Variants in TRDN observed in about 807,000 individuals in gnomAD.
TRDN encodes the protein triadin.
A neutral mutation model predicts 149.7 loss-of-function variants in TRDN; 161 were observed. The ratio of observed to expected loss-of-function variants is 1.08; its 90% CI spans 0.95 to 1.23. The LOEUF (loss-of-function observed/expected upper bound fraction) is 1.23, where lower values mean the gene tolerates loss of function less well. Among genes scored for constraint, TRDN ranks in the 50% most tolerant of loss-of-function variants. The pLI is 0.00. For synonymous variants in TRDN, 294 were observed against 250.5 expected, an observed-to-expected ratio of 1.17 and a Z score of -1.64; for missense variants, 896 against 823.5, an observed-to-expected ratio of 1.09 and a Z score of -1.08.
intron 1 of TRDN, among the ~76,000 whole-genome samples, chr6:123,629,715 A>G (rs1322240270): frequency 6.6e-6 from 1 of 152,096 alleles, no homozygotes; most frequent in Non-Finnish European, 1.5e-5. Context: ...TCATTTACAT[A>G]CCAAAGAATC....
At chr6:123,414,808 C>T (rs1434987928) in intron 12 of TRDN, among the ~76,000 whole-genome samples, 1 of 151,872 alleles carries the variant, frequency 6.6e-6, no homozygotes, top group Admixed American at 6.6e-5. Flanking sequence ...AAAATGAGTA[C>T]CCTAGGATTA....
At chr6:123,274,942 C>T (rs1777321832) in intron 26 of TRDN, among the ~76,000 whole-genome samples, 1 of 152,054 alleles carries the variant, frequency 6.6e-6, no homozygotes, top group Non-Finnish European at 1.5e-5. Context: ...ACATGCTTTG[C>T]ACTTGTCTGT....
chr6:123,632,629 A>T (rs1259048211), intron 1 of TRDN, among the ~76,000 whole-genome samples: 2 of 152,052 alleles, frequency 1.3e-5, no homozygotes, highest in Non-Finnish European at 2.9e-5. Flanking sequence ...ATGTTGCTTT[A>T]TCAGGAAAAT....
At chr6:123,437,478 T>C (rs1774634195) in intron 12 of TRDN, 1 of 266,404 alleles carries the variant, frequency 3.8e-6, no homozygotes, top group Non-Finnish European at 7.0e-6. Flanking sequence ...ATTATGGTGC[T>C]CACTACAGCC....
intron 12 of TRDN, among the ~76,000 whole-genome samples, chr6:123,437,599 G>A (rs55746229): frequency 2.6e-5 from 4 of 151,830 alleles, no homozygotes; most frequent in Non-Finnish European, 5.9e-5. Context: ...AAGGAACTGA[G>A]AGCCATCCCT....
intron 5 of TRDN, among the ~76,000 whole-genome samples, chr6:123,527,373 T>C (rs1280752773): frequency 6.6e-6 from 1 of 152,056 alleles, no homozygotes; most frequent in African/African-American, 2.4e-5. Context: ...CAAAGGAAAC[T>C]CAGACTGTTG....
intron 10 of TRDN, among the ~76,000 whole-genome samples, chr6:123,441,841 T>C (rs1251165440): frequency 6.6e-6 from 1 of 152,220 alleles, no homozygotes; most frequent in Non-Finnish European, 1.5e-5. Flanking sequence ...GCCCTTCTAG[T>C]GTAGAGATTA....
At chr6:123,307,084 T>C (rs781113042) in intron 24 of TRDN, among the ~76,000 whole-genome samples, 4 of 152,042 alleles carry the variant, frequency 2.6e-5, no homozygotes, top group Non-Finnish European at 5.9e-5. Context: ...TGGAAAACAT[T>C]GTCTAATATT....
chr6:123,218,787 CA>C, intron 40 of TRDN, 47 bp from the exon 41 acceptor site: 1 of 1,532,304 alleles, frequency 6.5e-7, no homozygotes, highest in Non-Finnish European at 8.8e-7. Context: ...AGAACATGAG[CA>C]AAAAAGCACA....
chr6:123,558,334 T>A (rs1178909830), intron 2 of TRDN, among the ~76,000 whole-genome samples: 1 of 151,954 alleles, frequency 6.6e-6, no homozygotes, highest in African/African-American at 2.4e-5. Flanking sequence ...TTCCTCAGCC[T>A]CCACTCCCGC....
chr6:123,231,346 T>C lies in TRDN; in HGVS notation c.1976-7215A>G, dbSNP rs560076449. Among the ~76,000 whole-genome samples the C allele has an allele frequency of 4.7e-4, 71 of 152,172 alleles. No homozygotes were observed. The South Asian group carries it at 0.011, about 23-fold the overall frequency. On this transcript the variant is annotated intron_variant, in intron 38 of 40. Transcript: ENST00000334268. ...ATTGAAATGGTCAATTCCTCTTACG[T>C]AGATCAAAGAAGTTTTTTATGGACA...
At chr6:123,418,390 C>T (rs1319333314) in intron 12 of TRDN, 2 of 151,898 alleles carry the variant, frequency 1.3e-5, no homozygotes, top group Non-Finnish European at 2.9e-5. Flanking sequence ...TTGCTAAATC[C>T]AAACTTTTTT....
intron 35 of TRDN, among the ~76,000 whole-genome samples, chr6:123,257,740 C>A (rs1382437320): frequency 6.6e-6 from 1 of 152,172 alleles, no homozygotes. Flanking sequence ...TGGCCATCTT[C>A]ACAATATTGA....
intron 21 of TRDN, chr6:123,351,662 A>G (rs1052738685): frequency 2.1e-6 from 2 of 949,256 alleles, no homozygotes; most frequent in African/African-American, 1.8e-5. Flanking sequence ...GATTTTCTTG[A>G]TATATTTATG....
At chr6:123,479,429 C>T (rs1355614484) in intron 9 of TRDN, among the ~76,000 whole-genome samples, 1 of 152,190 alleles carries the variant, frequency 6.6e-6, no homozygotes, top group Non-Finnish European at 1.5e-5. Flanking sequence ...GTAATATATT[C>T]TGAATATCTA....
intron 21 of TRDN, among the ~76,000 whole-genome samples, chr6:123,342,304 G>T (rs1476136874): frequency 6.6e-6 from 1 of 151,840 alleles, no homozygotes; most frequent in Non-Finnish European, 1.5e-5. Context: ...GAGATGAGAT[G>T]AACTAGGATA....
chr6:123,442,043 TG>T (rs1174446344), intron 10 of TRDN: 1 of 152,154 alleles, frequency 6.6e-6, no homozygotes, highest in Non-Finnish European at 1.5e-5. Context: ...AATATGACCA[TG>T]GAAAATTTTA....
At chr6:123,475,832 G>GA (rs1435122451) in intron 9 of TRDN, among the ~76,000 whole-genome samples, 7 of 151,986 alleles carry the variant, frequency 4.6e-5, no homozygotes, top group African/African-American at 1.5e-4. Flanking sequence ...AATAGATGCA[G>GA]AAAAAGCCTT....
chr6:123,464,939 A>G lies in TRDN; in HGVS notation c.898T>C (p.Ser300Pro). 6.3e-7 allele frequency: 1 copy of G among 1,599,530 alleles called. No individual in the cohort carries two copies. The highest frequency in any genetic ancestry group is 8.5e-7 in the Non-Finnish European group (1 of 1,172,782). The change falls in exon 10 of 41, where the codon TCC becomes CCC. Residue 300 changes from serine to proline, a missense_variant. By Grantham distance (74) the Ser-to-Pro change is moderately conservative. Coordinates refer to ENST00000334268, the MANE Select transcript of TRDN (RefSeq NM_006073.4). The stretch of plus-strand genomic sequence containing the variant: ...GCAGGTGATGCCGGAGTGGGTCTGG[A>G]AGCTTGTTCTGTCGGTAAGGGAGGT... The part of the protein sequence containing the change: ...IPPPLPTEQA[S>P]RPTPASPALE...
Sources: gnomAD v4.1 joint callset for allele counts (sites outside exome capture counted in the v4.1 genomes callset) on GRCh38, gnomAD v4.1.1 for gene constraint, MANE v1.5 for transcripts, NCBI Gene and HGNC (gene_info 2026-07-23, HGNC 2026-07-21) for gene names.